Variants in LINGO2 observed in about 807,000 individuals in gnomAD.
LINGO2 encodes the protein leucine-rich repeat and immunoglobulin-like domain-containing nogo receptor-interacting protein 2.
In LINGO2, 14 loss-of-function variants were observed where a neutral mutation model predicts 30.6. That is an observed-to-expected ratio of 0.46 (90% CI 0.30 to 0.72). The LOEUF (loss-of-function observed/expected upper bound fraction) is 0.72, where lower values mean the gene tolerates loss of function less well. Ranked by LOEUF, LINGO2 falls within the 30% of genes least tolerant of loss-of-function variation. The pLI is 0.07. For missense variants in LINGO2, 729 were observed against 751.7 expected (o/e 0.97, Z 0.35); for synonymous variants, 317 against 288.5 (o/e 1.10, Z -1.00).
chr9:28,777,574 T>C, the LINGO2 span, among the ~76,000 whole-genome samples: 1 of 152,138 alleles, frequency 6.6e-6, no homozygotes, highest in Non-Finnish European at 1.5e-5. Context: ...CAGAAAGATA[T>C]ATATTGATTT....
At chr9:28,759,365 C>T in the LINGO2 span, among the ~76,000 whole-genome samples, 1 of 151,978 alleles carries the variant, frequency 6.6e-6, no homozygotes, top group Non-Finnish European at 1.5e-5. Flanking sequence ...GGGTAGATTG[C>T]TGAAGGAACT....
chr9:29,086,920 T>C, the LINGO2 span, among the ~76,000 whole-genome samples: 1,334 of 148,152 alleles, frequency 9.0e-3, 26 homozygotes, highest in African/African-American at 0.032. Flanking sequence ...TGAGACAGAG[T>C]TTCACTCTGT....
chr9:29,002,923 T>C, the LINGO2 span, among the ~76,000 whole-genome samples: 3 of 151,988 alleles, frequency 2.0e-5, no homozygotes, highest in Non-Finnish European at 4.4e-5. Context: ...TTGGAAACTG[T>C]GGGTCTTTGA....
chr9:28,693,172 T>C, the LINGO2 span, among the ~76,000 whole-genome samples: 1 of 152,062 alleles, frequency 6.6e-6, no homozygotes, highest in Non-Finnish European at 1.5e-5. Flanking sequence ...AGCGTCAACG[T>C]TGTGTTGAGG....
chr9:27,982,735 A>C (rs1820940368), intron 5 of LINGO2, among the ~76,000 whole-genome samples: 1 of 151,884 alleles, frequency 6.6e-6, no homozygotes, highest in South Asian at 2.1e-4. Flanking sequence ...AGAGCAGAGA[A>C]CCTGGATATG....
intron 1 of LINGO2, among the ~76,000 whole-genome samples, chr9:28,560,298 G>A (rs1398846575): frequency 6.6e-6 from 1 of 152,060 alleles, no homozygotes; most frequent in Non-Finnish European, 1.5e-5. Context: ...GGTAAAGTAA[G>A]TTGCTCCCCA....
intron 2 of LINGO2, among the ~76,000 whole-genome samples, chr9:28,424,485 A>G (rs1823325638): frequency 6.6e-6 from 1 of 152,106 alleles, no homozygotes; most frequent in Admixed American, 6.6e-5. Context: ...AACTAACAGC[A>G]CATATATGAT....
At chr9:28,713,968 C>G in the LINGO2 span, among the ~76,000 whole-genome samples, 1 of 151,632 alleles carries the variant, frequency 6.6e-6, no homozygotes, top group Admixed American at 6.6e-5. Flanking sequence ...GCCCAGCCTG[C>G]CCAACATGGC....
intron 1 of LINGO2, among the ~76,000 whole-genome samples, chr9:28,615,643 C>A (rs1490236144): frequency 3.3e-5 from 5 of 152,006 alleles, no homozygotes; most frequent in Admixed American, 1.3e-4. Context: ...ATATGAATGG[C>A]AAATAAATAA....
intron 4 of LINGO2, among the ~76,000 whole-genome samples, chr9:28,166,412 A>C (rs923704027): frequency 6.6e-6 from 1 of 152,166 alleles, no homozygotes; most frequent in Non-Finnish European, 1.5e-5. Flanking sequence ...GTTATGGTTA[A>C]ATGAGATAAT....
chr9:28,708,796 T>G, the LINGO2 span, among the ~76,000 whole-genome samples: 2 of 150,372 alleles, frequency 1.3e-5, no homozygotes, highest in Non-Finnish European at 3.0e-5. Flanking sequence ...TATCCATCTA[T>G]TATTGTCTGT....
the LINGO2 span, among the ~76,000 whole-genome samples, chr9:28,759,026 C>A: frequency 6.6e-6 from 1 of 152,046 alleles, no homozygotes; most frequent in Non-Finnish European, 1.5e-5. Context: ...TTTAAAGATA[C>A]TGTGGCTTTA....
intron 4 of LINGO2, among the ~76,000 whole-genome samples, chr9:28,292,681 C>G (rs2134173696): frequency 6.6e-6 from 1 of 152,182 alleles, no homozygotes; most frequent in Admixed American, 6.5e-5. Context: ...TCAGGCTTGT[C>G]TCGAACTCCT....
intron 2 of LINGO2, among the ~76,000 whole-genome samples, chr9:28,461,076 T>A (rs377121003): frequency 7.2e-5 from 11 of 152,300 alleles, no homozygotes; most frequent in African/African-American, 2.6e-4. Flanking sequence ...ATAGTCTTTT[T>A]CTTTTCTTAT....
chr9:28,782,366 G>A, the LINGO2 span, among the ~76,000 whole-genome samples: 4 of 152,144 alleles, frequency 2.6e-5, no homozygotes, highest in African/African-American at 9.7e-5. Flanking sequence ...TTCATTCACT[G>A]TGCATTACTT....
At chr9:29,172,306 T>A in the LINGO2 span, among the ~76,000 whole-genome samples, 1 of 150,276 alleles carries the variant, frequency 6.7e-6, no homozygotes, top group Non-Finnish European at 1.5e-5. Context: ...AATATGAACC[T>A]ACCCAAATAG....
intron 4 of LINGO2, among the ~76,000 whole-genome samples, chr9:28,139,489 C>T (rs1193295599): frequency 6.6e-6 from 1 of 152,056 alleles, no homozygotes; most frequent in Non-Finnish European, 1.5e-5. Flanking sequence ...TTCACTGGGG[C>T]ACAAATGTAG....
chr9:29,040,616 T>C, the LINGO2 span, among the ~76,000 whole-genome samples: 2 of 151,270 alleles, frequency 1.3e-5, no homozygotes, highest in Non-Finnish European at 3.0e-5. Flanking sequence ...AAGGCTGACA[T>C]ATGTCATTGA....
At chr9:28,236,396 C>G (rs537749791) in intron 4 of LINGO2, among the ~76,000 whole-genome samples, 39 of 152,252 alleles carry the variant, frequency 2.6e-4, no homozygotes, top group African/African-American at 9.4e-4. Context: ...ACAAAACTCA[C>G]TGCTAATAGT....
Sources: gnomAD v4.1 joint callset for allele counts (sites outside exome capture counted in the v4.1 genomes callset) on GRCh38, gnomAD v4.1.1 for gene constraint, MANE v1.5 for transcripts, NCBI Gene and HGNC (gene_info 2026-07-23, HGNC 2026-07-21) for gene names.